The following FSHR variants were observed in gnomAD, a reference collection of about 807,000 sequenced individuals.
FSHR encodes follicle stimulating hormone receptor.
A neutral mutation model predicts 52.1 loss-of-function variants in FSHR; 46 were observed. That is an observed-to-expected ratio of 0.88 (90% CI 0.70 to 1.13). FSHR has a LOEUF of 1.13. Ranked by LOEUF, FSHR falls within the 50% of genes most tolerant of loss-of-function variation. The pLI, the probability that FSHR is intolerant of heterozygous loss-of-function variation, is 0.00. For missense variants in FSHR, 964 were observed against 834.6 expected (o/e 1.16, Z -1.91); for synonymous variants, 399 against 309.6 (o/e 1.29, Z -3.03).
Position 48,963,396 on chromosome 2 carries a change from C to G in FSHR, c.1425G>C (p.Met475Ile), listed in dbSNP as rs935899649. ...GGAGCTGCACCTTGCAGTCCAGCTG[C>G]ATGGCATGCGTGATGGTATGCCATC... is the stretch of plus-strand genomic sequence containing the variant. ...LERWHTITHA[M>I]QLDCKVQLRH... is the part of the protein sequence containing the mutation. Residue 475 changes from methionine (M) to isoleucine (I), a missense_variant, in exon 10 of 10, where the codon ATG becomes ATC. Physicochemically the swap from Met to Ile is conservative, Grantham distance 10 (BLOSUM62 1). Coordinates refer to ENST00000406846, the MANE Select transcript of FSHR (RefSeq NM_000145.4). 2.5e-6 allele frequency: 4 copies of G among 1,614,012 alleles called. No individual in the cohort carries two copies. Among genetic ancestry groups the G allele is most frequent in the Non-Finnish European group, 3.4e-6 (4 of 1,180,006 alleles).
intron 8 of FSHR, among the ~76,000 whole-genome samples, chr2:48,969,916 T>C (rs1270262822): frequency 6.6e-6 from 1 of 152,158 alleles, no homozygotes; most frequent in Non-Finnish European, 1.5e-5. Flanking sequence ...AGCTTGGACC[T>C]GGTGGGGCCA....
chr2:49,083,374 C>A (rs550299170), intron 1 of FSHR, among the ~76,000 whole-genome samples: 27 of 151,650 alleles, frequency 1.8e-4, no homozygotes, highest in Middle Eastern at 3.4e-3. Flanking sequence ...ACAACCGGTA[C>A]CAGCCACTGC....
chr2:49,012,812 G>T (rs1001599009), intron 4 of FSHR, among the ~76,000 whole-genome samples: 20 of 152,048 alleles, frequency 1.3e-4, no homozygotes, highest in Admixed American at 1.1e-3. Flanking sequence ...CCTCTACCTG[G>T]CTGCTGGAGC....
At chr2:49,078,876 T>C (rs561860184) in intron 1 of FSHR, among the ~76,000 whole-genome samples, 3 of 151,974 alleles carry the variant, frequency 2.0e-5, no homozygotes, top group African/African-American at 7.2e-5. Flanking sequence ...ACAATAAGAA[T>C]AGAGAAAGAA....
chr2:48,983,046 G>T (rs1675324125), intron 7 of FSHR, 52 bp downstream of exon 7: 3 of 1,607,526 alleles, frequency 1.9e-6, no homozygotes, highest in South Asian at 1.1e-5. Context: ...TATTGCTGTT[G>T]TAAGAGCCAT....
intron 7 of FSHR, 31 bp from the exon 8 acceptor site, chr2:48,983,017 A>G (rs202147722): frequency 3.1e-6 from 5 of 1,610,412 alleles, no homozygotes; most frequent in Non-Finnish European, 4.2e-6. Context: ...AGAAGAAGGA[A>G]AACACAAAGC....
intron 1 of FSHR, among the ~76,000 whole-genome samples, chr2:49,098,594 T>C (rs374448813): frequency 1.3e-5 from 2 of 151,792 alleles, no homozygotes; most frequent in East Asian, 3.9e-4. Context: ...TATGCCAGGT[T>C]ACAGAGATTT....
chr2:48,964,096 C>G, intron 9 of FSHR, 130 bp from the exon 10 acceptor site: 1 of 812,264 alleles, frequency 1.2e-6, no homozygotes, highest in Non-Finnish European at 2.0e-6. Flanking sequence ...CACATCATAC[C>G]TGCCCTTGAG....
intron 1 of FSHR, among the ~76,000 whole-genome samples, chr2:49,133,521 C>T (rs1672371430): frequency 6.6e-6 from 1 of 152,112 alleles, no homozygotes; most frequent in Non-Finnish European, 1.5e-5. Flanking sequence ...TCAATGCCAT[C>T]CCCATCAAGC....
chr2:49,036,756 G>A (rs527876479), intron 2 of FSHR, among the ~76,000 whole-genome samples: 1 of 152,168 alleles, frequency 6.6e-6, no homozygotes, highest in Non-Finnish European at 1.5e-5. Flanking sequence ...TATCTTTAAA[G>A]GAGAGGGTGA....
chr2:49,129,617 G>A (rs948151732), intron 1 of FSHR, among the ~76,000 whole-genome samples: 1 of 152,182 alleles, frequency 6.6e-6, no homozygotes, highest in African/African-American at 2.4e-5. Context: ...AGCTGAAGAT[G>A]TAGCATGGTG....
At chr2:49,139,833 C>T (rs945240309) in intron 1 of FSHR, among the ~76,000 whole-genome samples, 4 of 152,022 alleles carry the variant, frequency 2.6e-5, no homozygotes, top group African/African-American at 2.4e-5. Flanking sequence ...CTCCTGACCT[C>T]GTGATCAGCC....
At chr2:49,142,870 G>T (rs1330036303) in intron 1 of FSHR, among the ~76,000 whole-genome samples, 1 of 152,152 alleles carries the variant, frequency 6.6e-6, no homozygotes, top group East Asian at 1.9e-4. Flanking sequence ...ACAGTTTGGT[G>T]ACATGTGCGT....
At chr2:48,964,154 T>C (rs1236463615) in intron 9 of FSHR, among the ~76,000 whole-genome samples, 188 bp from the exon 10 acceptor site, 2 of 151,970 alleles carry the variant, frequency 1.3e-5, no homozygotes, top group Non-Finnish European at 2.9e-5. Context: ...ATATAACAAC[T>C]TGTATATATA....
chr2:49,041,963 T>C (rs1035965256), intron 2 of FSHR, among the ~76,000 whole-genome samples: 1 of 152,040 alleles, frequency 6.6e-6, no homozygotes, highest in African/African-American at 2.4e-5. Flanking sequence ...CCTGGCAACA[T>C]GGTGGGACTG....
intron 1 of FSHR, 111 bp from the exon 2 acceptor site, chr2:49,068,401 A>G (rs1416911723): frequency 9.0e-6 from 8 of 893,200 alleles, no homozygotes; most frequent in Admixed American, 1.8e-5. Flanking sequence ...CTTGCCATAA[A>G]GTAATGTTGA....
chr2:49,146,999 T>A (rs1026169921), intron 1 of FSHR, among the ~76,000 whole-genome samples: 4 of 152,094 alleles, frequency 2.6e-5, no homozygotes, highest in African/African-American at 7.2e-5. Context: ...AAAGGGCTCA[T>A]GTCACTCTGA....
At chr2:49,120,401 C>T (rs1671769637) in intron 1 of FSHR, among the ~76,000 whole-genome samples, 1 of 152,144 alleles carries the variant, frequency 6.6e-6, no homozygotes, top group South Asian at 2.1e-4. Context: ...TTATGTTTCC[C>T]TGTGGATAAT....
chr2:49,109,670 T>C (rs1387352471), intron 1 of FSHR, among the ~76,000 whole-genome samples: 2 of 152,146 alleles, frequency 1.3e-5, no homozygotes, highest in Non-Finnish European at 2.9e-5. Context: ...CATGGAACTT[T>C]TCCTGCATCT....
Sources: allele counts gnomAD v4.1 joint callset (sites outside exome capture counted in the v4.1 genomes callset), GRCh38; gene constraint gnomAD v4.1.1; transcripts MANE v1.5; gene names NCBI Gene and HGNC (gene_info 2026-07-23, HGNC 2026-07-21).